ALMS1: variants seen among roughly 807,000 people sequenced by gnomAD.
The protein encoded by ALMS1 is centrosome-associated protein ALMS1.
A neutral mutation model predicts 352.2 loss-of-function variants in ALMS1; 271 were observed. The observed-to-expected ratio is 0.77, with a 90% CI of 0.70 to 0.85. ALMS1 has a LOEUF of 0.85. ALMS1 is among the 40% of genes least tolerant of loss of function. The pLI, the probability that ALMS1 is intolerant of heterozygous loss-of-function variation, is 0.00. For missense variants in ALMS1, 5,445 were observed against 4,870.7 expected (o/e 1.12, Z -3.51); for synonymous variants, 1,865 against 1,761.2 (o/e 1.06, Z -1.48).
intron 9 of ALMS1, among the ~76,000 whole-genome samples, chr2:73,466,083 T>C (rs535038056): frequency 1.3e-5 from 2 of 152,316 alleles, no homozygotes; most frequent in East Asian, 3.9e-4. Flanking sequence ...TGTCGATTCC[T>C]CAGGGATCTA....
chr2:73,521,472 C>T (rs1265007964), intron 11 of ALMS1, among the ~76,000 whole-genome samples: 2 of 151,508 alleles, frequency 1.3e-5, no homozygotes, highest in Non-Finnish European at 2.9e-5. Flanking sequence ...CGCGGTGGCT[C>T]ACGCCTGTAA....
intron 20 of ALMS1, 134 bp downstream of exon 20, chr2:73,602,502 C>G: frequency 9.5e-7 from 1 of 1,056,510 alleles, no homozygotes; most frequent in East Asian, 2.6e-5. Context: ...TGCCAAGACT[C>G]AAACCTTCTT....
chr2:73,608,997 G>A (rs1455498215), intron 22 of ALMS1, among the ~76,000 whole-genome samples: 1 of 152,246 alleles, frequency 6.6e-6, no homozygotes, highest in Non-Finnish European at 1.5e-5. Flanking sequence ...TGGATGGTCA[G>A]AGGCCTCCAA....
At position 73,548,930 on chromosome 2, in the gene ALMS1, G is replaced by A. The variant is rs369060387; in HGVS notation, c.9908-1337G>A. On this transcript the variant is annotated intron_variant, in intron 12 of 22. Coordinates refer to ENST00000613296, the MANE Select transcript of ALMS1 (RefSeq NM_001378454.1). ...AAATAAGTTTCCGGAGAGGTAAGAGGCAAATAAGAGAAAGTGATGTTACAG... is the reference window on the plus strand; with the variant it reads ...AAATAAGTTTCCGGAGAGGTAAGAGACAAATAAGAGAAAGTGATGTTACAG... 2.6e-5 allele frequency among the ~76,000 whole-genome samples: 4 copies of A among 152,138 alleles called. No homozygotes were observed. The East Asian group carries it at 5.8e-4, about 22-fold the overall frequency.
At chr2:73,605,093 G>A (rs1244272346) in intron 21 of ALMS1, among the ~76,000 whole-genome samples, 1 of 152,212 alleles carries the variant, frequency 6.6e-6, no homozygotes, top group Non-Finnish European at 1.5e-5. Flanking sequence ...TTACTTGAAA[G>A]AGTAACTGAC....
intron 4 of ALMS1, 102 bp downstream of exon 4, chr2:73,423,076 G>C (rs1186995537): frequency 2.0e-6 from 2 of 1,017,414 alleles, no homozygotes; most frequent in East Asian, 2.4e-5. Flanking sequence ...GTGGGGCTTA[G>C]ATACTCTTAG....
intron 9 of ALMS1, among the ~76,000 whole-genome samples, chr2:73,477,203 A>T (rs1244278114): frequency 6.6e-6 from 1 of 152,092 alleles, no homozygotes; most frequent in Non-Finnish European, 1.5e-5. Context: ...TCGTCTTTGC[A>T]TATAGATATT....
chr2:73,589,674 A>G (rs1362957423), intron 16 of ALMS1, among the ~76,000 whole-genome samples: 7 of 152,222 alleles, frequency 4.6e-5, no homozygotes, highest in South Asian at 2.1e-4. Flanking sequence ...CTGTAAGTAT[A>G]TATCTACATT....
intron 16 of ALMS1, among the ~76,000 whole-genome samples, chr2:73,593,177 A>G (rs1675467700): frequency 6.6e-6 from 1 of 151,288 alleles, no homozygotes; most frequent in African/African-American, 2.4e-5. Context: ...GACCGCATAT[A>G]TAAATGGATT....
At chr2:73,424,359 TTG>T (rs1671337575) in intron 4 of ALMS1, 69 bp from the exon 5 acceptor site, 3 of 990,930 alleles carry the variant, frequency 3.0e-6, no homozygotes, top group Non-Finnish European at 4.3e-6. Context: ...ATATGTATTT[TTG>T]TGTTAGTACT....
chr2:73,496,464 AGTTT>A (rs1191879835), intron 10 of ALMS1, among the ~76,000 whole-genome samples: 1 of 152,034 alleles, frequency 6.6e-6, no homozygotes, highest in Non-Finnish European at 1.5e-5. Flanking sequence ...ATTGTAATTG[AGTTT>A]GTTTATCCAT....
chr2:73,507,899 C>T (rs1290366409), intron 10 of ALMS1, among the ~76,000 whole-genome samples: 1 of 152,022 alleles, frequency 6.6e-6, no homozygotes, highest in East Asian at 1.9e-4. Context: ...TTCCTGCTTT[C>T]TCCTGTGGGC....
chr2:73,448,201 T>C lies in ALMS1; in HGVS notation c.1674T>C (p.Pro558=). The C allele has an allele frequency of 6.2e-7, 1 of 1,614,048 alleles. No homozygotes were observed. The highest frequency in any genetic ancestry group is 1.1e-5 in the South Asian group (1 of 91,082). ...TEETLKVTAI[P]EPADQKTATP... is the part of the protein sequence containing the mutation. ...AGACTCTGAAAGTCACAGCTATTCCTGAACCAGCTGACCAGAAGACTGCAA... is the reference window on the plus strand; with the variant it reads ...AGACTCTGAAAGTCACAGCTATTCCCGAACCAGCTGACCAGAAGACTGCAA... The change falls in exon 8 of 23, where the codon CCT becomes CCC. Residue 558 remains proline, a synonymous_variant. Coordinates refer to ENST00000613296, the MANE Select transcript of ALMS1 (RefSeq NM_001378454.1).
chr2:73,459,687 C>G (rs989532959), intron 9 of ALMS1, among the ~76,000 whole-genome samples: 1 of 152,122 alleles, frequency 6.6e-6, no homozygotes. Flanking sequence ...CCTGTGTGTT[C>G]TTATGATCCC....
intron 1 of ALMS1, among the ~76,000 whole-genome samples, chr2:73,394,859 G>A (rs2103639967): frequency 6.6e-6 from 1 of 151,922 alleles, no homozygotes; most frequent in East Asian, 1.9e-4. Context: ...AACCTGTACA[G>A]CATGTTACAG....
chr2:73,543,817 A>G, intron 12 of ALMS1, among the ~76,000 whole-genome samples: 1 of 152,208 alleles, frequency 6.6e-6, no homozygotes, highest in Non-Finnish European at 1.5e-5. Flanking sequence ...ACAATGAGAT[A>G]CCATCTTACA....
chr2:73,544,144 A>G (rs1234534814), intron 12 of ALMS1, among the ~76,000 whole-genome samples: 1 of 152,238 alleles, frequency 6.6e-6, no homozygotes, highest in African/African-American at 2.4e-5. Context: ...AGACTGGATT[A>G]ATTAAATGTG....
Position 73,450,632 on chromosome 2 carries a change from C to A in ALMS1, c.4105C>A (p.Gln1369Lys). 1 of 1,613,264 alleles carries A rather than the reference C, an allele frequency of 6.2e-7. No individual in the cohort carries two copies. Among genetic ancestry groups the A allele is most frequent in the Non-Finnish European group, 8.5e-7 (1 of 1,179,868 alleles). The change falls in exon 8 of 23, where the codon CAG becomes AAG. Residue 1369 changes from glutamine to lysine, a missense_variant. Coordinates refer to ENST00000613296, the MANE Select transcript of ALMS1 (RefSeq NM_001378454.1). ...KISVASEPVD[Q>K]TTGTPTVTST... ...TTCAGTTGCCTCTGAACCAGTTGAC[C>A]AGACAACTGGCACACCAACTGTAAC...
intron 9 of ALMS1, among the ~76,000 whole-genome samples, chr2:73,472,138 A>G (rs889703925): frequency 1.3e-5 from 2 of 152,096 alleles, no homozygotes; most frequent in South Asian, 2.1e-4. Context: ...ATATCTAAAA[A>G]TAGTCAAATT....
Sources: allele counts gnomAD v4.1 joint callset (sites outside exome capture counted in the v4.1 genomes callset), GRCh38; gene constraint gnomAD v4.1.1; transcripts MANE v1.5; gene names NCBI Gene and HGNC (gene_info 2026-07-23, HGNC 2026-07-21).